The following CCSER1 variants were observed in gnomAD, a reference collection of about 807,000 sequenced individuals.
CCSER1 encodes the protein serine-rich coiled-coil domain-containing protein 1.
Under a neutral mutation model 82.0 loss-of-function variants are expected in CCSER1, and 41 were observed. The ratio of observed to expected loss-of-function variants is 0.50; its 90% CI spans 0.39 to 0.65. The LOEUF (loss-of-function observed/expected upper bound fraction) is 0.65. Ranked by LOEUF, CCSER1 falls within the 30% of genes least tolerant of loss-of-function variation. The pLI, the probability that CCSER1 is intolerant of heterozygous loss-of-function variation, is 0.00. For synonymous variants in CCSER1, 414 were observed against 383.9 expected, an observed-to-expected ratio of 1.08 and a Z score of -0.92; for missense variants, 1,119 against 1,064.2, an observed-to-expected ratio of 1.05 and a Z score of -0.72.
At chr4:90,967,245 C>G (rs1218518211) in intron 9 of CCSER1, among the ~76,000 whole-genome samples, 2 of 151,750 alleles carry the variant, frequency 1.3e-5, no homozygotes, top group African/African-American at 4.9e-5. Context: ...GTGAGGAATT[C>G]GAGACCAGCC....
At chr4:90,880,379 T>G (rs959172446) in intron 8 of CCSER1, among the ~76,000 whole-genome samples, 1 of 152,176 alleles carries the variant, frequency 6.6e-6, no homozygotes, top group African/African-American at 2.4e-5. Context: ...GGAGGGGCTA[T>G]GCTGTGGGTC....
chr4:91,367,302 G>A (rs116118468), intron 10 of CCSER1, among the ~76,000 whole-genome samples: 2,271 of 131,358 alleles, frequency 0.017, 53 homozygotes, highest in African/African-American at 0.06. Context: ...AGGTGACAGA[G>A]TGAGATCCTG....
intron 6 of CCSER1, among the ~76,000 whole-genome samples, chr4:90,691,576 T>C (rs1316212588): frequency 6.6e-6 from 1 of 151,576 alleles, no homozygotes; most frequent in Non-Finnish European, 1.5e-5. Flanking sequence ...ATCACATGTA[T>C]AATGCATGTG....
At chr4:91,133,456 A>T (rs865978021) in intron 10 of CCSER1, among the ~76,000 whole-genome samples, 2 of 152,168 alleles carry the variant, frequency 1.3e-5, no homozygotes, top group Non-Finnish European at 2.9e-5. Flanking sequence ...TGGGCATCTG[A>T]TTACTCCCTG....
intron 5 of CCSER1, among the ~76,000 whole-genome samples, chr4:90,483,749 G>T (rs1766490933): frequency 6.6e-6 from 1 of 152,224 alleles, no homozygotes; most frequent in African/African-American, 2.4e-5. Flanking sequence ...TCAGCTGTTA[G>T]TGTGATGGGC....
intron 5 of CCSER1, among the ~76,000 whole-genome samples, chr4:90,533,871 A>T (rs1036915798): frequency 6.6e-6 from 1 of 152,232 alleles, no homozygotes; most frequent in African/African-American, 2.4e-5. Flanking sequence ...ATTACATTAC[A>T]GGTACTTGAC....
intron 8 of CCSER1, among the ~76,000 whole-genome samples, chr4:90,829,211 C>A (rs563574222): frequency 1.3e-5 from 2 of 152,152 alleles, no homozygotes; most frequent in East Asian, 3.9e-4. Flanking sequence ...ACCATGAAAA[C>A]TTTTCAAAAA....
intron 6 of CCSER1, among the ~76,000 whole-genome samples, chr4:90,712,560 GT>G (rs1002976125): frequency 6.6e-6 from 1 of 151,948 alleles, no homozygotes; most frequent in African/African-American, 2.4e-5. Context: ...TTCTAATTTT[GT>G]GATCAATTTT....
At chr4:90,794,856 T>A (rs1386868397) in intron 7 of CCSER1, among the ~76,000 whole-genome samples, 1 of 152,174 alleles carries the variant, frequency 6.6e-6, no homozygotes, top group Non-Finnish European at 1.5e-5. Flanking sequence ...AGAAGTGTTT[T>A]GTAGTTCTCT....
At chr4:91,046,037 A>G in intron 9 of CCSER1, among the ~76,000 whole-genome samples, 1 of 151,988 alleles carries the variant, frequency 6.6e-6, no homozygotes, top group African/African-American at 2.4e-5. Context: ...GGAATTTCAC[A>G]AGGTAATGTC....
chr4:90,249,612 G>C (rs185247847), intron 1 of CCSER1, among the ~76,000 whole-genome samples: 2 of 152,072 alleles, frequency 1.3e-5, no homozygotes, highest in East Asian at 3.9e-4. Flanking sequence ...TTTGTGACTG[G>C]CTCCTTTCAC....
At chr4:91,347,606 G>A (rs891297919) in intron 10 of CCSER1, among the ~76,000 whole-genome samples, 1 of 148,986 alleles carries the variant, frequency 6.7e-6, no homozygotes, top group Non-Finnish European at 1.5e-5. Flanking sequence ...CATGTAGATA[G>A]AATATATTTG....
At chr4:91,299,621 C>A (rs60743433) in intron 10 of CCSER1, among the ~76,000 whole-genome samples, 2 of 151,794 alleles carry the variant, frequency 1.3e-5, no homozygotes, top group Non-Finnish European at 2.9e-5. Flanking sequence ...AGCCATACAG[C>A]GTAAATAAGA....
intron 7 of CCSER1, among the ~76,000 whole-genome samples, chr4:90,725,913 T>C (rs1743553478): frequency 6.6e-6 from 1 of 151,944 alleles, no homozygotes; most frequent in South Asian, 2.1e-4. Flanking sequence ...TAAAAGGTTG[T>C]CTTTTTCACC....
At chr4:90,714,418 A>G (rs1438947570) in intron 6 of CCSER1, among the ~76,000 whole-genome samples, 1 of 152,008 alleles carries the variant, frequency 6.6e-6, no homozygotes, top group African/African-American at 2.4e-5. Context: ...CTAGAAAACA[A>G]TTCTGACTGG....
chr4:90,934,268 A>T (rs1200635839), intron 9 of CCSER1, among the ~76,000 whole-genome samples: 1 of 152,170 alleles, frequency 6.6e-6, no homozygotes, highest in East Asian at 1.9e-4. Context: ...AATAATTGTG[A>T]CGTTATTTGT....
At chr4:90,956,760 C>T (rs922630571) in intron 9 of CCSER1, among the ~76,000 whole-genome samples, 1 of 143,824 alleles carries the variant, frequency 7.0e-6, no homozygotes, top group Non-Finnish European at 1.5e-5. Flanking sequence ...TTCTTTTCTT[C>T]CTCTTCTTTT....
intron 1 of CCSER1, among the ~76,000 whole-genome samples, chr4:90,280,576 TTTGA>T (rs1463164648): frequency 2.6e-5 from 4 of 152,060 alleles, no homozygotes; most frequent in East Asian, 1.9e-4. Context: ...TTGTATGGTG[TTTGA>T]TTGATTGAAC....
intron 10 of CCSER1, among the ~76,000 whole-genome samples, chr4:91,115,525 C>T (rs1456073505): frequency 2.6e-5 from 4 of 152,056 alleles, no homozygotes; most frequent in African/African-American, 9.7e-5. Context: ...TGGAGTTTCA[C>T]TATGTTGGCC....
Sources: allele counts gnomAD v4.1 joint callset (sites outside exome capture counted in the v4.1 genomes callset), GRCh38; gene constraint gnomAD v4.1.1; transcripts MANE v1.5; gene names NCBI Gene and HGNC (gene_info 2026-07-23, HGNC 2026-07-21).